Variants in RFC4 observed in about 807,000 individuals in gnomAD.
RFC4 encodes the protein replication factor C subunit 4, also known as A1 37 kDa subunit.
RFC4 carries 38 observed loss-of-function variants against 47.6 expected under a neutral mutation model. That is an observed-to-expected ratio of 0.80 (90% CI 0.62 to 1.05). RFC4 has a LOEUF of 1.05. RFC4 is among the 50% of genes least tolerant of loss of function. The pLI is 0.00. For synonymous variants in RFC4, 164 were observed against 150.0 expected, an observed-to-expected ratio of 1.09 and a Z score of -0.68; for missense variants, 489 against 434.0, an observed-to-expected ratio of 1.13 and a Z score of -1.13.
At chr3:186,795,062 T>G (rs1722216140) in intron 4 of RFC4, among the ~76,000 whole-genome samples, 1 of 152,236 alleles carries the variant, frequency 6.6e-6, no homozygotes, top group African/African-American at 2.4e-5. Context: ...TGGAGAACAG[T>G]GGCATGATGA....
At chr3:186,791,469 CAAAAAAAA>C (rs1294540136) in intron 8 of RFC4, 2 of 345,808 alleles carry the variant, frequency 5.8e-6, no homozygotes, top group Non-Finnish European at 1.1e-5. Flanking sequence ...GACTCTGTCT[CAAAAAAAA>C]AAAAACAAAA....
Position 186,789,913 on chromosome 3 carries a change from TTTATTTTTA to T in RFC4, c.*47_*55del. On this transcript the variant is annotated 3_prime_UTR_variant, in exon 11 of 11. Transcript: ENST00000296273. ...TCACTTTAAAGGTGCTTTTGGTCAT[TTTATTTTTA>T]TTACAACTTCATTATTTACAAAACC... The T allele has an allele frequency of 8.7e-7, 1 of 1,151,664 alleles. No individual in the cohort carries two copies. Among genetic ancestry groups the T allele is most frequent in the Admixed American group, 2.0e-5 (1 of 50,180 alleles). 71.3% of individuals were successfully genotyped at this position (1,151,664 alleles called of 1,614,324 possible).
intron 3 of RFC4, 105 bp downstream of exon 3, chr3:186,801,012 C>G (rs542376219): frequency 2.4e-6 from 2 of 831,868 alleles, no homozygotes; most frequent in South Asian, 1.5e-5. Flanking sequence ...CTACTGTACA[C>G]AGAGCAAGAT....
At chr3:186,795,861 G>A (rs758653613) in intron 4 of RFC4, among the ~76,000 whole-genome samples, 1 of 152,118 alleles carries the variant, frequency 6.6e-6, no homozygotes, top group Non-Finnish European at 1.5e-5. Context: ...AAACCTACTG[G>A]ATTAAGGAAA....
chr3:186,803,160 C>T (rs951360895), intron 2 of RFC4, among the ~76,000 whole-genome samples: 14 of 152,016 alleles, frequency 9.2e-5, no homozygotes, highest in Non-Finnish European at 1.6e-4. Context: ...CTGGTCAACA[C>T]GATGAAACCT....
At chr3:186,801,309 G>A (rs1400124413) in intron 2 of RFC4, 114 bp from the exon 3 acceptor site, 1 of 767,136 alleles carries the variant, frequency 1.3e-6, no homozygotes, top group Non-Finnish European at 2.2e-6. Flanking sequence ...CATCAGCAAT[G>A]AAATGAGAAA....
In RFC4 at chr3:186,801,208, G is replaced by A; in HGVS notation, c.132-13C>T. ...ACATTTTGGGCGACTTGCGGGGTGAGAAGGAGGAAAGAGGTTATTTAGTAT... is the reference window on the plus strand; with the variant it reads ...ACATTTTGGGCGACTTGCGGGGTGAAAAGGAGGAAAGAGGTTATTTAGTAT... On this transcript the variant is annotated splice_polypyrimidine_tract_variant and intron_variant, in intron 2 of 10. Transcript: ENST00000296273. 6.2e-7 allele frequency: 1 copy of A among 1,608,534 alleles called. No individual in the cohort carries two copies. The highest frequency in any genetic ancestry group is 8.5e-7 in the Non-Finnish European group (1 of 1,174,932).
rs550871133 is a variant in RFC4 at position 186,792,965 on chromosome 3, A to G, written c.411-18T>C. The G allele has an allele frequency of 1.2e-5, 20 of 1,606,872 alleles. No individual in the cohort carries two copies. The highest frequency in any genetic ancestry group is 1.5e-5 in the Non-Finnish European group (18 of 1,176,648). On this transcript the variant is annotated intron_variant, in intron 5 of 10. Transcript: ENST00000296273. Reference sequence around the variant, plus strand: ...GCTTCCCACTGATTCAGAGAAACACATAAGAGTTGAACATTAATATGTATA... The same window carrying G: ...GCTTCCCACTGATTCAGAGAAACACGTAAGAGTTGAACATTAATATGTATA...
At chr3:186,805,789 A>T (rs1352071063) in intron 1 of RFC4, among the ~76,000 whole-genome samples, 2 of 152,156 alleles carry the variant, frequency 1.3e-5, no homozygotes, top group East Asian at 3.9e-4. Context: ...AGCTCGCCTG[A>T]AAAGTCCCCG....
chr3:186,792,421 T>C (rs1560090751), intron 7 of RFC4, 69 bp downstream of exon 7: 2 of 1,413,306 alleles, frequency 1.4e-6, no homozygotes, highest in Non-Finnish European at 2.0e-6. Context: ...TTTAAATCTT[T>C]CAGGGCCTCT....
At chr3:186,805,355 G>A (rs1205674465) in intron 1 of RFC4, among the ~76,000 whole-genome samples, 1 of 152,156 alleles carries the variant, frequency 6.6e-6, no homozygotes, top group Non-Finnish European at 1.5e-5. Flanking sequence ...CCAGTAGCTA[G>A]GACTACAGGT....
intron 9 of RFC4, 21 bp from the exon 10 acceptor site, chr3:186,790,276 G>A (rs746621711): frequency 1.2e-6 from 2 of 1,610,434 alleles, no homozygotes; most frequent in South Asian, 1.1e-5. Flanking sequence ...AAAAACTTTT[G>A]GTATGATGAC....
chr3:186,800,533 T>A (rs1174423886), intron 3 of RFC4, among the ~76,000 whole-genome samples: 1 of 152,122 alleles, frequency 6.6e-6, no homozygotes, highest in Non-Finnish European at 1.5e-5. Context: ...TAACACAACT[T>A]TAAGTTGCTA....
intron 8 of RFC4, 70 bp from the exon 9 acceptor site, chr3:186,790,476 C>T: frequency 9.5e-7 from 1 of 1,056,680 alleles, no homozygotes; most frequent in Non-Finnish European, 1.5e-6. Flanking sequence ...GCCAACTGGC[C>T]CCCGTGCCCC....
At chr3:186,804,526 G>T in intron 2 of RFC4, 57 bp downstream of exon 2, 1 of 1,520,880 alleles carries the variant, frequency 6.6e-7, no homozygotes, top group South Asian at 1.2e-5. Flanking sequence ...AAAGTGATCA[G>T]TACTGGTTAG....
chr3:186,791,029 T>C (rs1033976782), intron 8 of RFC4, among the ~76,000 whole-genome samples: 1 of 152,222 alleles, frequency 6.6e-6, no homozygotes, highest in African/African-American at 2.4e-5. Context: ...AGTTTTTACA[T>C]GGGAGTATCC....
In RFC4 at chr3:186,789,902, C is replaced by T. The variant is rs181317353; in HGVS notation, c.*67G>A. ...AAATTGTATATTCACTTTAAAGGTGCTTTTGGTCATTTTATTTTTATTACA... is the reference window on the plus strand; with the variant it reads ...AAATTGTATATTCACTTTAAAGGTGTTTTTGGTCATTTTATTTTTATTACA... On this transcript the variant is annotated 3_prime_UTR_variant, in exon 11 of 11. Coordinates refer to ENST00000296273, the MANE Select transcript of RFC4 (RefSeq NM_002916.5). The T allele has an allele frequency of 3.6e-4, 364 of 1,018,050 alleles. 2 individuals are homozygous for T. The highest frequency in any genetic ancestry group is 2.7e-3 in the African/African-American group (167 of 62,350). 63.1% of individuals were successfully genotyped at this position (1,018,050 alleles called of 1,614,324 possible). A position where few individuals can be genotyped will look rare whatever the true frequency, so the allele number is the denominator to read the frequency against.
In RFC4 at chr3:186,797,609, AG is replaced by A; in HGVS notation, c.215del (p.Pro72LeufsTer32). The A allele has an allele frequency of 6.3e-7, 1 of 1,597,412 alleles. No individual in the cohort carries two copies. The highest frequency in any genetic ancestry group is 8.5e-7 in the Non-Finnish European group (1 of 1,169,692). On this transcript the variant is annotated frameshift_variant, in exon 4 of 11. Coordinates refer to ENST00000296273, the MANE Select transcript of RFC4 (RefSeq NM_002916.5). LOFTEE classifies it high-confidence loss of function. ...LKKSLEGADL[P>X]NLLFYGPPGT... Reference sequence around the variant, plus strand: ...CAGGTGGTCCGTAAAACAAGAGATTAGGAAGCTGTAGAAATTAAATTTTATT... The same window carrying A: ...CAGGTGGTCCGTAAAACAAGAGATTAGAAGCTGTAGAAATTAAATTTTATT...
chr3:186,795,765 C>T (rs1278214411), intron 4 of RFC4, among the ~76,000 whole-genome samples: 1 of 151,998 alleles, frequency 6.6e-6, no homozygotes, highest in African/African-American at 2.4e-5. Flanking sequence ...TGCACTCCAG[C>T]CTGGGCAATA....
Sources: allele counts gnomAD v4.1 joint callset (sites outside exome capture counted in the v4.1 genomes callset), GRCh38; gene constraint gnomAD v4.1.1; transcripts MANE v1.5; gene names NCBI Gene and HGNC (gene_info 2026-07-23, HGNC 2026-07-21).